COL3A1: variants seen among roughly 807,000 people sequenced by gnomAD.
COL3A1 encodes the protein collagen alpha-1(III) chain.
In COL3A1, 46 loss-of-function variants were observed where a neutral mutation model predicts 200.9. That is an observed-to-expected ratio of 0.23 (90% CI 0.18 to 0.29). COL3A1 has a LOEUF of 0.29. COL3A1 is among the 10% of genes least tolerant of loss of function. The probability of loss-of-function intolerance (pLI) is 1.00; values close to 1 mark genes in which losing one functional copy is unlikely to be tolerated. For missense variants in COL3A1, 1,367 were observed against 1,917.6 expected, an observed-to-expected ratio of 0.71 and a Z score of 5.36; for synonymous variants, 650 against 628.0, an observed-to-expected ratio of 1.03 and a Z score of -0.52.
At chr2:188,986,996 C>CT in intron 4 of COL3A1, 63 bp from the exon 5 acceptor site, 1 of 1,467,530 alleles carries the variant, frequency 6.8e-7, no homozygotes. Flanking sequence ...CTTCTAAATG[C>CT]TTTTTAAAAG....
intron 5 of COL3A1, among the ~76,000 whole-genome samples, chr2:188,987,877 A>G (rs567549852): frequency 6.6e-6 from 1 of 152,234 alleles, no homozygotes; most frequent in Non-Finnish European, 1.5e-5. Flanking sequence ...AATAATTTAT[A>G]TAGAATCTGT....
intron 1 of COL3A1, among the ~76,000 whole-genome samples, chr2:188,981,493 T>C (rs1443523740): frequency 6.6e-6 from 1 of 151,528 alleles, no homozygotes. Flanking sequence ...ATGGAAATAA[T>C]TGGAAAGTCC....
In COL3A1 at chr2:188,984,800, G is replaced by A. The variant is rs138115610; in HGVS notation, c.120G>A (p.Ala40=). ...GGCSHLGQSY[A]DRDVWKPEPC... Reference sequence around the variant, plus strand: ...GTTCCCATCTTGGTCAGTCCTATGCGGATAGAGATGTCTGGAAGCCAGAAC... The same window carrying A: ...GTTCCCATCTTGGTCAGTCCTATGCAGATAGAGATGTCTGGAAGCCAGAAC... Residue 40 remains alanine, a synonymous_variant, in exon 2 of 51, where the codon GCG becomes GCA. Transcript: ENST00000304636. 46 of 1,612,956 alleles carry A rather than the reference G, an allele frequency of 2.9e-5. No homozygotes were observed. The African/African-American group carries it at 3.9e-4, about 14-fold the overall frequency.
intron 1 of COL3A1, among the ~76,000 whole-genome samples, chr2:188,980,198 C>G (rs185691091): frequency 6.6e-6 from 1 of 151,416 alleles, no homozygotes. Context: ...ATATTCTCTT[C>G]AATGTTTTTA....
In COL3A1 at chr2:189,007,096, A is replaced by AAT. The variant is rs36195651; in HGVS notation, c.3255+149_3255+150dup. 0.014 allele frequency: 3,248 copies of AAT among 228,602 alleles called. 175 individuals carry two copies. The highest frequency in any genetic ancestry group is 0.028 in the African/African-American group (765 of 27,504). The allele number at this position is 228,602 out of a possible 1,614,324, so 14.2% of individuals were successfully genotyped here. ...CCAGCGTGTTCAGGAAAAAAGAATG[A>AAT]ATATATATATATATATATATATATA... On this transcript the variant is annotated intron_variant, in intron 44 of 50. Transcript: ENST00000304636.
At chr2:188,985,283 C>G in intron 3 of COL3A1, 36 bp downstream of exon 3, 1 of 1,510,614 alleles carries the variant, frequency 6.6e-7, no homozygotes, top group Non-Finnish European at 9.2e-7. Flanking sequence ...AAAATTAATA[C>G]TAATGATAAT....
intron 13 of COL3A1, 139 bp downstream of exon 13, chr2:188,991,861 T>G (rs1688197684): frequency 1.1e-6 from 1 of 880,496 alleles, no homozygotes; most frequent in African/African-American, 1.7e-5. Context: ...TGTGATAAAG[T>G]TTTGGCTATA....
At chr2:188,995,125 C>T in intron 21 of COL3A1, 26 bp downstream of exon 21, 1 of 1,609,804 alleles carries the variant, frequency 6.2e-7, no homozygotes, top group East Asian at 2.2e-5. Context: ...TTCTATGTTC[C>T]TAAATGCTAG....
rs375362835 is a variant in COL3A1 at position 188,988,675 on chromosome 2, T to A, written c.636+32T>A. The A allele has an allele frequency of 7.4e-6, 11 of 1,485,150 alleles. No individual in the cohort carries two copies. In the African/African-American group the frequency reaches 1.2e-4, roughly 17 times the overall value. The allele number at this position is 1,485,150 out of a possible 1,614,324, so 92.0% of individuals were successfully genotyped here. On this transcript the variant is annotated intron_variant, in intron 7 of 50. Coordinates refer to ENST00000304636, the MANE Select transcript of COL3A1 (RefSeq NM_000090.4). ...AACAATTAAATTTATATTTAGTAAG[T>A]CGATAATTCCATATGGAACCTACCT...
chr2:189,011,572 G>C, intron 50 of COL3A1, 56 bp from the exon 51 acceptor site: 5 of 1,606,916 alleles, frequency 3.1e-6, no homozygotes. Context: ...TGTTAAGTCA[G>C]AGTTGTCTAA....
chr2:188,990,212 T>G (rs1688157161), intron 9 of COL3A1, 63 bp downstream of exon 9: 1 of 1,586,636 alleles, frequency 6.3e-7, no homozygotes, highest in African/African-American at 1.3e-5. Flanking sequence ...ATTATGTAAT[T>G]CAATGGAATT....
intron 16 of COL3A1, 71 bp from the exon 17 acceptor site, chr2:188,993,963 TCACA>T (rs1245252030): frequency 7.1e-7 from 1 of 1,412,116 alleles, no homozygotes; most frequent in African/African-American, 1.4e-5. Context: ...ACATTTATTT[TCACA>T]CAAACAACTT....
At chr2:189,005,535 G>A in intron 41 of COL3A1, 78 bp downstream of exon 41, 1 of 1,167,118 alleles carries the variant, frequency 8.6e-7, no homozygotes, top group Non-Finnish European at 1.3e-6. Context: ...GAGCTTTAAT[G>A]TCTAAGAGTG....
At chr2:188,990,964 A>G (rs1267257740) in intron 10 of COL3A1, 40 bp from the exon 11 acceptor site, 2 of 1,587,546 alleles carry the variant, frequency 1.3e-6, no homozygotes, top group Admixed American at 1.7e-5. Flanking sequence ...TAGATTATTA[A>G]CAGATTTTAA....
rs1223569769 is a variant in COL3A1 at position 188,985,769 on chromosome 2, T to G, written c.438T>G (p.Thr146=). 6.2e-7 allele frequency: 1 copy of G among 1,609,932 alleles called. No homozygotes were observed. Among genetic ancestry groups the G allele is most frequent in the Non-Finnish European group, 8.5e-7 (1 of 1,177,056 alleles). The change falls in exon 4 of 51, where the codon ACT becomes ACG. Residue 146 remains threonine (T), a synonymous_variant. Transcript: ENST00000304636. Reference sequence around the variant, plus strand: ...CTGGAATCTGTGAATCATGCCCTACTGGTCCTCAGGTATAACAATTACGGT... The same window carrying G: ...CTGGAATCTGTGAATCATGCCCTACGGGTCCTCAGGTATAACAATTACGGT... ...GPPGICESCP[T]GPQNYSPQYD... is the part of the protein sequence containing the mutation.
chr2:189,007,596 C>A lies in COL3A1; in HGVS notation c.3352C>A (p.Pro1118Thr). The A allele has an allele frequency of 1.2e-6, 2 of 1,611,382 alleles. No individual in the cohort carries two copies. Among genetic ancestry groups the A allele is most frequent in the South Asian group, 1.1e-5 (1 of 90,522 alleles). ...AGGATTCCCTGGTAATCCAGGTGCC[C>A]CAGGTTCTCCAGTAAGTGCATTCAT... is the stretch of plus-strand genomic sequence containing the variant. ...HRGFPGNPGA[P>T]GSPGPAGQQG... The change falls in exon 45 of 51, where the codon CCA (proline) becomes ACA (threonine). Residue 1118 changes from proline (P) to threonine (T), a missense_variant. By Grantham distance (38) the Pro-to-Thr change is conservative. Around this residue, in one of 5 missense-constraint regions of COL3A1, gnomAD observed 846 missense variants for 1,147.9 expected, o/e 0.74. Transcript: ENST00000304636.
rs1688668809 is a variant in COL3A1 at position 189,009,299 on chromosome 2, A to G, written c.3823+78A>G. ...CTTAGATTAGAATGGGAACGAAAAAACATCTACTTTCAATGGAAAGCTGAA... is the reference window on the plus strand; with the variant it reads ...CTTAGATTAGAATGGGAACGAAAAAGCATCTACTTTCAATGGAAAGCTGAA... On this transcript the variant is annotated intron_variant, in intron 48 of 50. Coordinates refer to ENST00000304636, the MANE Select transcript of COL3A1 (RefSeq NM_000090.4). 7 of 1,538,426 alleles carry G rather than the reference A, an allele frequency of 4.6e-6. No individual in the cohort carries two copies. The East Asian group carries it at 1.6e-4, about 35-fold the overall frequency.
chr2:188,997,315 C>T, intron 25 of COL3A1, 21 bp from the exon 26 acceptor site: 1 of 1,613,636 alleles, frequency 6.2e-7, no homozygotes. Context: ...TTTCTACTTC[C>T]CTAACTGTTC....
intron 1 of COL3A1, among the ~76,000 whole-genome samples, chr2:188,975,582 T>G (rs891550333): frequency 6.6e-6 from 1 of 152,194 alleles, no homozygotes; most frequent in Non-Finnish European, 1.5e-5. Context: ...CATGGTTACA[T>G]TTAAACATAT....
Sources: gnomAD v4.1 joint callset for allele counts (sites outside exome capture counted in the v4.1 genomes callset) on GRCh38, gnomAD v4.1.1 for gene constraint, gnomAD v4.1.1 regional missense constraint, MANE v1.5 for transcripts, NCBI Gene and HGNC (gene_info 2026-07-23, HGNC 2026-07-21) for gene names.